The following SLIT2 variants were observed in gnomAD, a reference collection of about 807,000 sequenced individuals.
The protein encoded by SLIT2 is slit guidance ligand 2, also known as slit homolog 2 protein.
In SLIT2, 41 loss-of-function variants were observed where a neutral mutation model predicts 185.7. The ratio of observed to expected loss-of-function variants is 0.22; its 90% confidence interval spans 0.17 to 0.29. The LOEUF (loss-of-function observed/expected upper bound fraction) is 0.29, where lower values mean the gene tolerates loss of function less well. SLIT2 is among the 10% of genes least tolerant of loss of function. SLIT2 has a pLI of 1.00. For synonymous variants in SLIT2, 693 were observed against 680.2 expected (o/e 1.02, Z -0.29); for missense variants, 1,571 against 1,909.0 (o/e 0.82, Z 3.30).
chr4:20,284,106 A>G (rs1296517111), intron 4 of SLIT2, among the ~76,000 whole-genome samples: 2 of 152,198 alleles, frequency 1.3e-5, no homozygotes, highest in East Asian at 1.9e-4. Context: ...TCCTAGCTCC[A>G]GTGTTTACTA....
chr4:20,529,939 T>TCC (rs1721638209), intron 16 of SLIT2, among the ~76,000 whole-genome samples: 2 of 152,198 alleles, frequency 1.3e-5, no homozygotes, highest in Non-Finnish European at 2.9e-5. Flanking sequence ...TTAACTAGAT[T>TCC]ATAGCTCCTT....
In SLIT2 at chr4:20,486,203, T is replaced by C; in HGVS notation, c.543T>C (p.Thr181=). The C allele has an allele frequency of 6.3e-7, 1 of 1,594,220 alleles. No homozygotes were observed. Among genetic ancestry groups the C allele is most frequent in the Non-Finnish European group, 8.6e-7 (1 of 1,162,506 alleles). ...ACTTTTCTTTTTAATTCTACAGCAC[T>C]CTCAACAATAACAACATTACTAGAC... ...FRALRDLEVL[T]LNNNNITRLS... Residue 181 remains threonine, a synonymous_variant, in exon 7 of 37, where the codon ACT becomes ACC. Coordinates refer to ENST00000504154, the MANE Select transcript of SLIT2 (RefSeq NM_004787.4).
chr4:20,514,242 A>G (rs1719998515), intron 11 of SLIT2, among the ~76,000 whole-genome samples: 2 of 152,214 alleles, frequency 1.3e-5, no homozygotes, highest in Non-Finnish European at 2.9e-5. Flanking sequence ...CTAGAACTGT[A>G]CTCAAGAATA....
intron 12 of SLIT2, among the ~76,000 whole-genome samples, chr4:20,522,043 C>T (rs144524275): frequency 1.7e-4 from 26 of 152,082 alleles, no homozygotes; most frequent in Non-Finnish European, 2.4e-4. Context: ...CCTCTTAAGG[C>T]GGGAATTTAA....
intron 4 of SLIT2, among the ~76,000 whole-genome samples, chr4:20,424,759 T>G (rs1728423287): frequency 6.6e-6 from 1 of 152,228 alleles, no homozygotes. Context: ...GAGGCCCCCC[T>G]GCTTTCAGAG....
At chr4:20,358,468 T>C (rs1722504966) in intron 4 of SLIT2, among the ~76,000 whole-genome samples, 1 of 152,152 alleles carries the variant, frequency 6.6e-6, no homozygotes, top group Admixed American at 6.6e-5. Flanking sequence ...AAATTTAAAT[T>C]GACGAGGTAG....
chr4:20,404,779 G>T (rs1726638540), intron 4 of SLIT2, among the ~76,000 whole-genome samples: 1 of 151,900 alleles, frequency 6.6e-6, no homozygotes, highest in Non-Finnish European at 1.5e-5. Context: ...AAATAGCTTG[G>T]AATCTGTATT....
chr4:20,270,623 C>T (rs1262688194), intron 4 of SLIT2, among the ~76,000 whole-genome samples: 1 of 151,840 alleles, frequency 6.6e-6, no homozygotes, highest in Admixed American at 6.6e-5. Context: ...CTTTCTGGCT[C>T]AAAGGATTTG....
chr4:20,296,319 GAA>G (rs140549357), intron 4 of SLIT2, among the ~76,000 whole-genome samples: 2 of 151,928 alleles, frequency 1.3e-5, no homozygotes, highest in African/African-American at 2.4e-5. Context: ...ATCTGAACTA[GAA>G]AAAAAAGTTT....
chr4:20,573,880 T>A (rs140587120), intron 29 of SLIT2, among the ~76,000 whole-genome samples: 5 of 152,110 alleles, frequency 3.3e-5, no homozygotes, highest in African/African-American at 9.6e-5. Context: ...TTGGCGTCAA[T>A]ATGGGCCACC....
intron 7 of SLIT2, among the ~76,000 whole-genome samples, chr4:20,488,170 T>C (rs910468669): frequency 3.0e-4 from 46 of 152,324 alleles, no homozygotes; most frequent in African/African-American, 1.1e-3. Flanking sequence ...ACTCACTTAA[T>C]TCCTTCACTC....
intron 4 of SLIT2, among the ~76,000 whole-genome samples, chr4:20,274,080 C>G (rs189259098): frequency 6.6e-6 from 1 of 152,124 alleles, no homozygotes. Flanking sequence ...GTGAAAGTTC[C>G]GTCGAAGGTG....
intron 29 of SLIT2, among the ~76,000 whole-genome samples, chr4:20,587,875 G>T (rs1727191925): frequency 6.6e-6 from 1 of 152,114 alleles, no homozygotes; most frequent in Non-Finnish European, 1.5e-5. Context: ...TTTTAAAACA[G>T]TTTCTTATTT....
At chr4:20,542,409 T>C in intron 20 of SLIT2, 85 bp from the exon 21 acceptor site, 1 of 1,266,636 alleles carries the variant, frequency 7.9e-7, no homozygotes, top group Non-Finnish European at 1.1e-6. Flanking sequence ...CTTGTGTTTG[T>C]TAAGTTAATT....
intron 12 of SLIT2, 48 bp from the exon 13 acceptor site, chr4:20,523,712 A>G: frequency 6.5e-7 from 1 of 1,538,700 alleles, no homozygotes; most frequent in Non-Finnish European, 9.0e-7. Context: ...CTTGCAGGTG[A>G]GTTAATAAGA....
At chr4:20,575,087 G>C (rs1725979940) in intron 29 of SLIT2, among the ~76,000 whole-genome samples, 1 of 152,130 alleles carries the variant, frequency 6.6e-6, no homozygotes, top group Non-Finnish European at 1.5e-5. Context: ...TAAGGTCTGA[G>C]TCTATCTCAG....
rs955836922 is a variant in SLIT2, at chr4:20,545,908, A to G, written c.2277-123A>G. ...AATAATAATCCATGCTTGGAACACG[A>G]CATCTTAAAGCAAAAATTGCCAAGG... On this transcript the variant is annotated intron_variant, in intron 21 of 36. Coordinates refer to ENST00000504154, the MANE Select transcript of SLIT2 (RefSeq NM_004787.4). The G allele has an allele frequency of 1.7e-5, 8 of 471,268 alleles. No individual in the cohort carries two copies. The East Asian group carries it at 1.7e-4, about 10-fold the overall frequency. The allele number at this position is 471,268 out of a possible 1,614,324, so 29.2% of individuals were successfully genotyped here. A position where few individuals can be genotyped will look rare whatever the true frequency, so the allele number is the denominator to read the frequency against.
At chr4:20,496,214 A>AT (rs1718213305) in intron 9 of SLIT2, among the ~76,000 whole-genome samples, 1 of 152,106 alleles carries the variant, frequency 6.6e-6, no homozygotes, top group Admixed American at 6.5e-5. Context: ...ATAATGACTC[A>AT]TTTTTTCTGC....
intron 4 of SLIT2, among the ~76,000 whole-genome samples, chr4:20,286,288 C>T (rs182452745): frequency 6.6e-6 from 1 of 152,194 alleles, no homozygotes; most frequent in African/African-American, 2.4e-5. Flanking sequence ...CTCTCCCCCA[C>T]CCTCATCCCA....
Sources: allele counts gnomAD v4.1 joint callset (sites outside exome capture counted in the v4.1 genomes callset), GRCh38; gene constraint gnomAD v4.1.1; transcripts MANE v1.5; gene names NCBI Gene and HGNC (gene_info 2026-07-23, HGNC 2026-07-21).